Variants in CIITA observed in about 807,000 individuals in gnomAD.
CIITA encodes class II major histocompatibility complex transactivator.
A neutral mutation model predicts 115.1 loss-of-function variants in CIITA; 72 were observed. The observed-to-expected ratio is 0.63, with a 90% CI of 0.52 to 0.76. The LOEUF is 0.76. Among genes scored for constraint, CIITA ranks in the 30% least tolerant of loss-of-function variants. The probability of loss-of-function intolerance (pLI) is 0.00; values close to 1 mark genes in which losing one functional copy is unlikely to be tolerated. For synonymous variants in CIITA, 763 were observed against 635.6 expected (o/e 1.20, Z -3.02); for missense variants, 1,617 against 1,463.8 (o/e 1.10, Z -1.71).
At position 10,877,298 on chromosome 16, in the gene CIITA, C is replaced by A; in HGVS notation, c.-33C>A. Reference sequence around the variant, plus strand: ...GGCACGAGGAGGGGCTGCCAGACTCCGGGAGCTGCTGCCTGGCTGGGATTC... The same window carrying A: ...GGCACGAGGAGGGGCTGCCAGACTCAGGGAGCTGCTGCCTGGCTGGGATTC... On this transcript the variant is annotated 5_prime_UTR_variant, in exon 1 of 20. Transcript: ENST00000324288. 2 of 1,607,700 alleles carry A rather than the reference C, an allele frequency of 1.2e-6. No homozygotes were observed. Among genetic ancestry groups the A allele is most frequent in the Non-Finnish European group, 1.7e-6 (2 of 1,176,746 alleles).
chr16:10,921,512 T>A (rs1296998988), intron 16 of CIITA, among the ~76,000 whole-genome samples: 2 of 152,210 alleles, frequency 1.3e-5, no homozygotes, highest in African/African-American at 4.8e-5. Context: ...CAAGGCATGT[T>A]CTAAATGTTA....
downstream of CIITA, chr16:10,938,111 C>T (rs1567468810): frequency 6.6e-6 from 1 of 152,214 alleles, no homozygotes; most frequent in Non-Finnish European, 1.5e-5. The surrounding 1 kb of genome is among the most constrained non-coding windows in gnomAD (Gnocchi z 4.9). Flanking sequence ...ATTAATACAT[C>T]TCTTACTATA....
rs2040497210 is a variant in CIITA at position 10,925,554 on chromosome 16, C to A, written c.*1699C>A. The A allele has an allele frequency of 6.6e-6, 1 of 152,394 alleles. No homozygotes were observed. The highest frequency in any genetic ancestry group is 1.5e-5 in the Non-Finnish European group (1 of 68,162). The allele number at this position is 152,394 out of a possible 1,614,324, so 9.4% of individuals were successfully genotyped here. A position where few individuals can be genotyped will look rare whatever the true frequency, so the allele number is the denominator to read the frequency against. ...TGAACTCCTGGCCTCAAGTGATTCT[C>A]CTGCCTCAGCCTCCCAAAGTGCTGG... On this transcript the variant is annotated 3_prime_UTR_variant, in exon 20 of 20. Transcript: ENST00000324288.
chr16:10,918,337 G>A, intron 15 of CIITA, 103 bp from the exon 16 acceptor site: 1 of 1,037,214 alleles, frequency 9.6e-7, no homozygotes, highest in Non-Finnish European at 1.5e-6. Context: ...GCTTAAGTCT[G>A]TCGACAGCGC....
rs2040694640 is a variant in CIITA at position 10,929,701 on chromosome 16, A to T, written c.*5846A>T. On this transcript the variant is annotated 3_prime_UTR_variant, in exon 20 of 20. Transcript: ENST00000324288. The surrounding 1 kb of genome is among the most constrained non-coding windows in gnomAD (Gnocchi z 4.3). ...CTTCCTCCATCCCTCAAATTTAGGG[A>T]ACCACTGGGAGCCCCAGACTCAGGC... 7.4e-6 allele frequency: 2 copies of T among 268,830 alleles called. No individual in the cohort carries two copies. Among genetic ancestry groups the T allele is most frequent in the Admixed American group, 6.5e-5 (1 of 15,408 alleles). 16.7% of individuals were successfully genotyped at this position (268,830 alleles called of 1,614,324 possible). A position where few individuals can be genotyped will look rare whatever the true frequency, so the allele number is the denominator to read the frequency against.
At chr16:10,919,986 T>A (rs2040183400) in intron 16 of CIITA, among the ~76,000 whole-genome samples, 4 of 152,114 alleles carry the variant, frequency 2.6e-5, no homozygotes, top group Admixed American at 1.3e-4. Context: ...GGAAAAGGAC[T>A]CTAGGAAGAA....
chr16:10,911,674 G>T (rs2039594274), intron 13 of CIITA, among the ~76,000 whole-genome samples: 1 of 151,834 alleles, frequency 6.6e-6, no homozygotes, highest in African/African-American at 2.4e-5. Flanking sequence ...TCCCACCTCA[G>T]CCTCCCTAGT....
rs934659097 is a variant in CIITA at position 10,920,762 on chromosome 16, T to A, written c.3150-1405T>A. ...TGGGGTGGAGGAAGGGTCTCCAGGG[T>A]TCAGAGATTGCAAAACCCCCATCTA... On this transcript the variant is annotated intron_variant, in intron 16 of 19. Transcript: ENST00000324288. This position sits in a 1 kb window ranked among gnomAD's most constrained non-coding sequence, Gnocchi z 4.5. Among the ~76,000 whole-genome samples the A allele has an allele frequency of 6.6e-5, 10 of 152,152 alleles. No homozygotes were observed. The highest frequency in any genetic ancestry group is 4.6e-4 in the Admixed American group (7 of 15,274).
chr16:10,866,251 G>A (rs763147211), upstream of CIITA: 1 of 519,734 alleles, frequency 1.9e-6, no homozygotes, highest in East Asian at 3.9e-5. Context: ...GAGATTCCAG[G>A]CACTGGCCAG....
chr16:10,916,220 C>A, intron 14 of CIITA, 147 bp from the exon 15 acceptor site: 1 of 746,610 alleles, frequency 1.3e-6, no homozygotes, highest in Non-Finnish European at 2.3e-6. Context: ...GTCTGAAAAG[C>A]TCAGGAATGT....
chr16:10,886,219 C>T (rs1384908596), intron 1 of CIITA, among the ~76,000 whole-genome samples: 3 of 152,000 alleles, frequency 2.0e-5, no homozygotes, highest in East Asian at 1.9e-4. Context: ...ATTACAGGTG[C>T]GAGTCACCAC....
chr16:10,941,558 A>C lies in CIITA; in HGVS notation n.684A>C. On this transcript the variant is annotated non_coding_transcript_exon_variant, in exon 2 of 2. Coordinates refer to the CIITA transcript ENST00000573379. The surrounding 1 kb of genome is among the most constrained non-coding windows in gnomAD (Gnocchi z 6.4). ...CAACCCGCCCTCATCCTGTTCAGAG[A>C]GGGCACTTACAGGCCTCGGAGGCAG... 1 of 1,445,020 alleles carries C rather than the reference A, an allele frequency of 6.9e-7. No homozygotes were observed. Among genetic ancestry groups the C allele is most frequent in the Non-Finnish European group, 9.1e-7 (1 of 1,097,190 alleles). The allele number at this position is 1,445,020 out of a possible 1,614,324, so 89.5% of individuals were successfully genotyped here. A position where few individuals can be genotyped will look rare whatever the true frequency, so the allele number is the denominator to read the frequency against.
upstream of CIITA, among the ~76,000 whole-genome samples, chr16:10,873,554 C>T (rs577738518): frequency 8.5e-5 from 13 of 152,146 alleles, no homozygotes; most frequent in Admixed American, 3.9e-4. Context: ...AGAGCAGCAC[C>T]GGGAGGGAGC....
Position 10,923,201 on chromosome 16 carries a change from G to A in CIITA, c.3318-27G>A, listed in dbSNP as rs4781024. ...CAGGCCGCCCTCTCTCCTCTAACCTGGCTCTGAGTCCCATCCCCCCTTGCA... is the reference window on the plus strand; with the variant it reads ...CAGGCCGCCCTCTCTCCTCTAACCTAGCTCTGAGTCCCATCCCCCCTTGCA... On this transcript the variant is annotated intron_variant, in intron 18 of 19. Coordinates refer to ENST00000324288, the MANE Select transcript of CIITA (RefSeq NM_000246.4). The surrounding 1 kb of genome is among the most constrained non-coding windows in gnomAD (Gnocchi z 5.2). The A allele has an allele frequency of 0.38, 618,758 of 1,607,398 alleles. 122,379 individuals carry two copies. The highest frequency in any genetic ancestry group is 0.45 in the Middle Eastern group (2,752 of 6,058).
chr16:10,886,570 C>T (rs865993402), intron 1 of CIITA, among the ~76,000 whole-genome samples: 1 of 152,200 alleles, frequency 6.6e-6, no homozygotes, highest in Non-Finnish European at 1.5e-5. Flanking sequence ...TTCTCCAGAG[C>T]GGCCCCATCC....
intron 18 of CIITA, among the ~76,000 whole-genome samples, chr16:10,922,754 A>G (rs1231620586): frequency 1.3e-5 from 2 of 152,238 alleles, no homozygotes; most frequent in Non-Finnish European, 2.9e-5. Flanking sequence ...AAATGCCAAT[A>G]AATGCTATAT....
intron 1 of CIITA, among the ~76,000 whole-genome samples, chr16:10,893,328 C>T (rs999511239): frequency 1.3e-5 from 2 of 152,102 alleles, no homozygotes; most frequent in Admixed American, 6.6e-5. Context: ...ACCTGAACCA[C>T]GGATCCTGGC....
chr16:10,914,393 C>T (rs941790367), intron 13 of CIITA, among the ~76,000 whole-genome samples: 2 of 152,152 alleles, frequency 1.3e-5, no homozygotes, highest in African/African-American at 2.4e-5. Context: ...GAGAACATTT[C>T]GGAATGAATT....
rs139177712 is a variant in CIITA at position 10,899,486 on chromosome 16, C to T, written c.436+484C>T. On this transcript the variant is annotated intron_variant, in intron 5 of 19. Transcript: ENST00000324288. ...GCTCAGTTATTCTCACCTTGTGTGT[C>T]TTTTTCCTTGCAGTTTAGCACTCAT... 5.6e-3 allele frequency among the ~76,000 whole-genome samples: 847 copies of T among 152,312 alleles called. 11 individuals carry two copies. Among genetic ancestry groups the T allele is most frequent in the African/African-American group, 0.019 (787 of 41,554 alleles).
Sources: gnomAD v4.1 joint callset for allele counts (sites outside exome capture counted in the v4.1 genomes callset) on GRCh38, gnomAD v4.1.1 for gene constraint, Gnocchi (gnomAD v3.1) non-coding constraint, MANE v1.5 for transcripts, NCBI Gene and HGNC (gene_info 2026-07-23, HGNC 2026-07-21) for gene names.